Variants in SOX12 observed in about 807,000 individuals in gnomAD.
SOX12 encodes SRY-box transcription factor 12, also known as transcription factor SOX-12.
SOX12 carries 8 observed loss-of-function variants against 21.5 expected under a neutral mutation model. That is an observed-to-expected ratio of 0.37 (90% CI 0.22 to 0.67). The LOEUF is 0.67. SOX12 is among the 30% of genes least tolerant of loss of function. The probability of loss-of-function intolerance (pLI) is 0.56; values close to 1 mark genes in which losing one functional copy is unlikely to be tolerated. For missense variants in SOX12, 400 were observed against 482.6 expected (o/e 0.83, Z 1.60); for synonymous variants, 235 against 224.2 (o/e 1.05, Z -0.43).
Position 325,882 on chromosome 20 carries a change from G to C in SOX12, c.-43G>C. The C allele has an allele frequency of 1.9e-6, 2 of 1,059,156 alleles. No individual in the cohort carries two copies. Among genetic ancestry groups the C allele is most frequent in the Non-Finnish European group, 2.3e-6 (2 of 878,716 alleles). The allele number at this position is 1,059,156 out of a possible 1,614,324, so 65.6% of individuals were successfully genotyped here. A position where few individuals can be genotyped will look rare whatever the true frequency, so the allele number is the denominator to read the frequency against. On this transcript the variant is annotated 5_prime_UTR_variant, in exon 1 of 1. Coordinates refer to ENST00000342665, the MANE Select transcript of SOX12 (RefSeq NM_006943.4). The surrounding 1 kb of genome is among the most constrained non-coding windows in gnomAD (Gnocchi z 5.0). Reference sequence around the variant, plus strand: ...CCCCACCCCCAGCCGCGGAGGATGCGGACGGCCCCCGGCGGCGTCTAGCGG... The same window carrying C: ...CCCCACCCCCAGCCGCGGAGGATGCCGACGGCCCCCGGCGGCGTCTAGCGG...
Position 326,176 on chromosome 20 carries a change from G to C in SOX12, c.252G>C (p.Ser84=), listed in dbSNP as rs1350769319. The C allele has an allele frequency of 1.3e-6, 2 of 1,593,838 alleles. No individual in the cohort carries two copies. Among genetic ancestry groups the C allele is most frequent in the East Asian group, 4.7e-5 (2 of 42,710 alleles). Residue 84 remains serine (S), a synonymous_variant, in exon 1 of 1, where the codon TCG becomes TCC. Coordinates refer to ENST00000342665, the MANE Select transcript of SOX12 (RefSeq NM_006943.4). This position sits in a 1 kb window ranked among gnomAD's most constrained non-coding sequence, Gnocchi z 9.9. ...LGRRWQLLQD[S]EKIPFVREAE... is the part of the protein sequence containing the mutation. Reference sequence around the variant, plus strand: ...GCCGCTGGCAGCTGCTGCAGGACTCGGAGAAGATCCCGTTCGTGCGGGAGG... The same window carrying C: ...GCCGCTGGCAGCTGCTGCAGGACTCCGAGAAGATCCCGTTCGTGCGGGAGG...
chr20:326,425 AGAC>A lies in SOX12; in HGVS notation c.510_512del (p.Asp170del), dbSNP rs1420811759. ...CGGCGGCGCCCGAGGACGACGATGA[AGAC>A]GACGACGAGGAGCTGCTGGAAGTGC... On this transcript the variant is annotated inframe_deletion, in exon 1 of 1. Transcript: ENST00000342665. The surrounding 1 kb of genome is among the most constrained non-coding windows in gnomAD (Gnocchi z 9.9). 12 of 1,354,072 alleles carry A rather than the reference AGAC, an allele frequency of 8.9e-6. No homozygotes were observed. Among genetic ancestry groups the A allele is most frequent in the African/African-American group, 4.6e-5 (3 of 64,828 alleles). The allele number at this position is 1,354,072 out of a possible 1,614,324, so 83.9% of individuals were successfully genotyped here.
chr20:326,828 G>T lies in SOX12; in HGVS notation c.904G>T (p.Asp302Tyr). ...TPEVTEMIAGDWRPSSIADLV... is the reference protein window; with the variant it reads ...TPEVTEMIAGYWRPSSIADLV... ...CGAGGTTACCGAGATGATCGCGGGGGACTGGCGCCCGTCTAGCATCGCAGA... is the reference window on the plus strand; with the variant it reads ...CGAGGTTACCGAGATGATCGCGGGGTACTGGCGCCCGTCTAGCATCGCAGA... Residue 302 changes from aspartate to tyrosine, a missense_variant, in exon 1 of 1, where the codon GAC (aspartate) becomes TAC (tyrosine). This residue lies in a region of SOX12 where 17 missense variants were observed against 49.7 expected (regional missense o/e 0.34). Transcript: ENST00000342665. The surrounding 1 kb of genome is among the most constrained non-coding windows in gnomAD (Gnocchi z 9.9). The T allele has an allele frequency of 6.2e-7, 1 of 1,613,558 alleles. No individual in the cohort carries two copies.
chr20:329,053 T>C lies in SOX12; in HGVS notation c.*2181T>C, dbSNP rs1478494316. 1.8e-5 allele frequency: 3 copies of C among 167,012 alleles called. 1 individual carries two copies. In the South Asian group the frequency reaches 6.2e-4, roughly 35 times the overall value. The allele number at this position is 167,012 out of a possible 1,614,324, so 10.3% of individuals were successfully genotyped here. ...GGTGGCCAGATTTTTCAAGAAAAGC[T>C]GGATGGATGTTTCTGAGTCATCTTA... On this transcript the variant is annotated 3_prime_UTR_variant, in exon 1 of 1. Transcript: ENST00000342665.
In SOX12 at chr20:326,359, C is replaced by T. The variant is rs1390055989; in HGVS notation, c.435C>T (p.Arg145=). Residue 145 remains arginine, a synonymous_variant, in exon 1 of 1, where the codon CGC becomes CGT. Coordinates refer to ENST00000342665, the MANE Select transcript of SOX12 (RefSeq NM_006943.4). The surrounding 1 kb of genome is among the most constrained non-coding windows in gnomAD (Gnocchi z 9.9). ...RLKPGPQLPG[R]GGRRAAGGPL... is the part of the protein sequence containing the mutation. Reference sequence around the variant, plus strand: ...AGCCCGGGCCGCAGCTGCCTGGCCGCGGGGGCCGCCGAGCAGCGGGAGGGC... The same window carrying T: ...AGCCCGGGCCGCAGCTGCCTGGCCGTGGGGGCCGCCGAGCAGCGGGAGGGC... The T allele has an allele frequency of 7.7e-7, 1 of 1,295,388 alleles. No homozygotes were observed. The highest frequency in any genetic ancestry group is 9.8e-7 in the Non-Finnish European group (1 of 1,023,006). The allele number at this position is 1,295,388 out of a possible 1,614,324, so 80.2% of individuals were successfully genotyped here.
In SOX12 at chr20:330,197, A is replaced by G. The variant is rs1293920916; in HGVS notation, c.*3325A>G. ...CTTCCTCTTCTTTTCACAGGTGCTTATTCCTAATAAACATCTTGCAACCCA... is the reference window on the plus strand; with the variant it reads ...CTTCCTCTTCTTTTCACAGGTGCTTGTTCCTAATAAACATCTTGCAACCCA... On this transcript the variant is annotated 3_prime_UTR_variant, in exon 1 of 1. Coordinates refer to ENST00000342665, the MANE Select transcript of SOX12 (RefSeq NM_006943.4). 1 of 166,794 alleles carries G rather than the reference A, an allele frequency of 6.0e-6. No homozygotes were observed. The highest frequency in any genetic ancestry group is 2.4e-5 in the African/African-American group (1 of 41,454). 10.3% of individuals were successfully genotyped at this position (166,794 alleles called of 1,614,324 possible).
Position 327,036 on chromosome 20 carries a change from G to T in SOX12, c.*164G>T. 1 of 552,684 alleles carries T rather than the reference G, an allele frequency of 1.8e-6. No homozygotes were observed. The highest frequency in any genetic ancestry group is 3.1e-6 in the Non-Finnish European group (1 of 326,064). 34.2% of individuals were successfully genotyped at this position (552,684 alleles called of 1,614,324 possible). ...TCAGATCCAGACATGCCCCTCCCCC[G>T]CAGACACACCCCAAGGCAGCCCAAC... On this transcript the variant is annotated 3_prime_UTR_variant, in exon 1 of 1. Transcript: ENST00000342665.
In SOX12 at chr20:326,615, G is replaced by T; in HGVS notation, c.691G>T (p.Glu231Ter). The T allele has an allele frequency of 6.5e-7, 1 of 1,544,706 alleles. No individual in the cohort carries two copies. The highest frequency in any genetic ancestry group is 8.7e-7 in the Non-Finnish European group (1 of 1,143,748). Residue 231 changes from glutamate (E) to a stop codon, truncating the protein, a stop_gained, in exon 1 of 1, where the codon GAG (glutamate) becomes TAG (stop). Coordinates refer to ENST00000342665, the MANE Select transcript of SOX12 (RefSeq NM_006943.4). LOFTEE classifies it high-confidence loss of function. This position sits in a 1 kb window ranked among gnomAD's most constrained non-coding sequence, Gnocchi z 9.9. Reference protein sequence around the residue: ...PSEDEEPEEEEEEAAAAEEGE... With the variant: ...PSEDEEPEEE ...GGAGGACGAGGAGCCGGAGGAAGAG[G>T]AGGAGGAGGCGGCAGCGGCTGAGGA...
At position 326,911 on chromosome 20, in the gene SOX12, T is replaced by C; in HGVS notation, c.*39T>C. On this transcript the variant is annotated 3_prime_UTR_variant, in exon 1 of 1. Coordinates refer to ENST00000342665, the MANE Select transcript of SOX12 (RefSeq NM_006943.4). This position sits in a 1 kb window ranked among gnomAD's most constrained non-coding sequence, Gnocchi z 9.9. The stretch of plus-strand genomic sequence containing the variant: ...GGGGCGCGCACGCCCCCAAACCAGC[T>C]GTTTACATACAGGAATCAGGTATTG... The C allele has an allele frequency of 1.2e-6, 2 of 1,603,062 alleles. No individual in the cohort carries two copies. Among genetic ancestry groups the C allele is most frequent in the Non-Finnish European group, 1.7e-6 (2 of 1,170,998 alleles).
In SOX12 at chr20:327,176, T is replaced by G; in HGVS notation, c.*304T>G. 1.3e-5 allele frequency: 4 copies of G among 300,854 alleles called. No homozygotes were observed. The highest frequency in any genetic ancestry group is 9.4e-5 in the East Asian group (1 of 10,684). 18.6% of individuals were successfully genotyped at this position (300,854 alleles called of 1,614,324 possible). ...GTCCTCTCCTACAGACCTGCACCCC[T>G]CCCCCCTTTTGCACACGCCCCTCCT... On this transcript the variant is annotated 3_prime_UTR_variant, in exon 1 of 1. Coordinates refer to ENST00000342665, the MANE Select transcript of SOX12 (RefSeq NM_006943.4).
rs1180146953 is a variant in SOX12 at position 326,017 on chromosome 20, C to T, written c.93C>T (p.Gly31=). The change falls in exon 1 of 1, where the codon GGC becomes GGT. Residue 31 remains glycine (G), a synonymous_variant. Transcript: ENST00000342665. The surrounding 1 kb of genome is among the most constrained non-coding windows in gnomAD (Gnocchi z 9.9). ...CCGAGGAGGGGGCGCGCGAGCCCGG[C>T]TGGTGCAAGACCCCGAGCGGCCACA... ...GPAEEGAREP[G]WCKTPSGHIK... 2 of 1,546,484 alleles carry T rather than the reference C, an allele frequency of 1.3e-6. No homozygotes were observed. The highest frequency in any genetic ancestry group is 1.7e-6 in the Non-Finnish European group (2 of 1,148,666).
Position 325,896 on chromosome 20 carries a change from G to A in SOX12, c.-29G>A. 1.8e-6 allele frequency: 2 copies of A among 1,094,466 alleles called. No homozygotes were observed. The highest frequency in any genetic ancestry group is 3.3e-5 in the African/African-American group (2 of 59,708). The allele number at this position is 1,094,466 out of a possible 1,614,324, so 67.8% of individuals were successfully genotyped here. A position where few individuals can be genotyped will look rare whatever the true frequency, so the allele number is the denominator to read the frequency against. On this transcript the variant is annotated 5_prime_UTR_variant, in exon 1 of 1. Transcript: ENST00000342665. This position sits in a 1 kb window ranked among gnomAD's most constrained non-coding sequence, Gnocchi z 5.0. ...GCGGAGGATGCGGACGGCCCCCGGCGGCGTCTAGCGGCCCCGGGCCCAGGC... is the reference window on the plus strand; with the variant it reads ...GCGGAGGATGCGGACGGCCCCCGGCAGCGTCTAGCGGCCCCGGGCCCAGGC...
rs1416874765 is a variant in SOX12 at position 327,398 on chromosome 20, C to A, written c.*526C>A. The A allele has an allele frequency of 2.2e-5, 4 of 181,912 alleles. No individual in the cohort carries two copies. The South Asian group carries it at 5.4e-4, about 25-fold the overall frequency. 11.3% of individuals were successfully genotyped at this position (181,912 alleles called of 1,614,324 possible). A position where few individuals can be genotyped will look rare whatever the true frequency, so the allele number is the denominator to read the frequency against. On this transcript the variant is annotated 3_prime_UTR_variant, in exon 1 of 1. Transcript: ENST00000342665. Reference sequence around the variant, plus strand: ...CCCGCCCCTCCGCTGGGGCCCACCCCCTTCGTGCGCATGCTTAATGCTTCT... The same window carrying A: ...CCCGCCCCTCCGCTGGGGCCCACCCACTTCGTGCGCATGCTTAATGCTTCT...
chr20:326,562 C>T lies in SOX12; in HGVS notation c.638C>T (p.Ala213Val), dbSNP rs2013096753. 1 of 1,518,126 alleles carries T rather than the reference C, an allele frequency of 6.6e-7. No individual in the cohort carries two copies. Among genetic ancestry groups the T allele is most frequent in the African/African-American group, 1.4e-5 (1 of 70,870 alleles). 94.0% of individuals were successfully genotyped at this position (1,518,126 alleles called of 1,614,324 possible). The change falls in exon 1 of 1, where the codon GCC becomes GTC. Residue 213 changes from alanine to valine, a missense_variant. By Grantham distance (64) the Ala-to-Val change is moderately conservative. Transcript: ENST00000342665. This position sits in a 1 kb window ranked among gnomAD's most constrained non-coding sequence, Gnocchi z 9.9. ...GGGCCGTCGGGCGAGGGGGCGGCCG[C>T]CGCCGCCGCCGCCTCCCCGACACCG... ...AQGPSGEGAA[A>V]AAAASPTPSE...
rs1406871686 is a variant in SOX12, at chr20:326,740, C to T, written c.816C>T (p.Arg272=). The change falls in exon 1 of 1, where the codon CGC becomes CGT. Residue 272 remains arginine (R), a synonymous_variant. Coordinates refer to ENST00000342665, the MANE Select transcript of SOX12 (RefSeq NM_006943.4). This position sits in a 1 kb window ranked among gnomAD's most constrained non-coding sequence, Gnocchi z 9.9. ...PAGLDCSALD[R]DPDLQPPSGT... is the part of the protein sequence containing the mutation. ...GCCTGGACTGCAGCGCCCTGGATCGCGACCCGGACCTGCAGCCTCCCTCGG... is the reference window on the plus strand; with the variant it reads ...GCCTGGACTGCAGCGCCCTGGATCGTGACCCGGACCTGCAGCCTCCCTCGG... 8 of 1,611,332 alleles carry T rather than the reference C, an allele frequency of 5.0e-6. No individual in the cohort carries two copies. Among genetic ancestry groups the T allele is most frequent in the Non-Finnish European group, 6.8e-6 (8 of 1,179,036 alleles).
rs1363682906 is a variant in SOX12 at position 327,572 on chromosome 20, G to A, written c.*700G>A. On this transcript the variant is annotated 3_prime_UTR_variant, in exon 1 of 1. Coordinates refer to ENST00000342665, the MANE Select transcript of SOX12 (RefSeq NM_006943.4). The stretch of plus-strand genomic sequence containing the variant: ...CAACGGGGCGTCGCTGCCTTAATGG[G>A]AGGAGCACTCGGAAGGGTTGGTTTG... The A allele has an allele frequency of 6.0e-6, 1 of 167,276 alleles. No individual in the cohort carries two copies. The highest frequency in any genetic ancestry group is 2.4e-5 in the African/African-American group (1 of 41,460). The allele number at this position is 167,276 out of a possible 1,614,324, so 10.4% of individuals were successfully genotyped here.
In SOX12 at chr20:327,031, C is replaced by T; in HGVS notation, c.*159C>T. 1 of 686,288 alleles carries T rather than the reference C, an allele frequency of 1.5e-6. No homozygotes were observed. Among genetic ancestry groups the T allele is most frequent in the East Asian group, 2.7e-5 (1 of 36,784 alleles). 42.5% of individuals were successfully genotyped at this position (686,288 alleles called of 1,614,324 possible). On this transcript the variant is annotated 3_prime_UTR_variant, in exon 1 of 1. Transcript: ENST00000342665. Reference sequence around the variant, plus strand: ...CCCCCTCAGATCCAGACATGCCCCTCCCCCGCAGACACACCCCAAGGCAGC... The same window carrying T: ...CCCCCTCAGATCCAGACATGCCCCTTCCCCGCAGACACACCCCAAGGCAGC...
At position 330,012 on chromosome 20, in the gene SOX12, T is replaced by C. The variant is rs1026519828; in HGVS notation, c.*3140T>C. 10 of 167,136 alleles carry C rather than the reference T, an allele frequency of 6.0e-5. No homozygotes were observed. The highest frequency in any genetic ancestry group is 5.9e-5 in the Non-Finnish European group (4 of 68,174). The allele number at this position is 167,136 out of a possible 1,614,324, so 10.4% of individuals were successfully genotyped here. On this transcript the variant is annotated 3_prime_UTR_variant, in exon 1 of 1. Transcript: ENST00000342665. ...ACCACGCCCTTCCTGGGGCAGCCTG[T>C]ATCTGGTGTCTGAGTGAGGCATGGT... is the stretch of plus-strand genomic sequence containing the variant.
chr20:325,992 C>T lies in SOX12; in HGVS notation c.68C>T (p.Ala23Val), dbSNP rs747028249. The T allele has an allele frequency of 4.6e-5, 68 of 1,482,654 alleles. No homozygotes were observed. Among genetic ancestry groups the T allele is most frequent in the Non-Finnish European group, 5.7e-5 (64 of 1,113,312 alleles). 91.8% of individuals were successfully genotyped at this position (1,482,654 alleles called of 1,614,324 possible). Residue 23 changes from alanine (A) to valine (V), a missense_variant, in exon 1 of 1, where the codon GCC becomes GTC. Coordinates refer to ENST00000342665, the MANE Select transcript of SOX12 (RefSeq NM_006943.4). The surrounding 1 kb of genome is among the most constrained non-coding windows in gnomAD (Gnocchi z 5.0). Reference protein sequence around the residue: ...GGPPPPGPGPAEEGAREPGWC... With the variant: ...GGPPPPGPGPVEEGAREPGWC... ...CCGCCGCCCCCGGGACCCGGGCCGG[C>T]CGAGGAGGGGGCGCGCGAGCCCGGC... is the stretch of plus-strand genomic sequence containing the variant.
Sources: gnomAD v4.1 joint callset for allele counts on GRCh38, gnomAD v4.1.1 for gene constraint, gnomAD v4.1.1 regional missense constraint, Gnocchi (gnomAD v3.1) non-coding constraint, MANE v1.5 for transcripts, NCBI Gene and HGNC (gene_info 2026-07-23, HGNC 2026-07-21) for gene names.